The following NTRK3 variants were observed in gnomAD, a reference collection of about 807,000 sequenced individuals.
NTRK3 encodes neurotrophic receptor tyrosine kinase 3, also known as NT-3 growth factor receptor.
In NTRK3, 24 loss-of-function variants were observed where a neutral mutation model predicts 91.7. The ratio of observed to expected loss-of-function variants is 0.26; its 90% CI spans 0.19 to 0.37. NTRK3 has a LOEUF of 0.37. Ranked by LOEUF, NTRK3 falls within the 10% of genes least tolerant of loss-of-function variation. The pLI is 1.00. For missense variants in NTRK3, 880 were observed against 1,068.9 expected, an observed-to-expected ratio of 0.82 and a Z score of 2.46; for synonymous variants, 483 against 404.0, an observed-to-expected ratio of 1.20 and a Z score of -2.34.
At chr15:88,214,299 C>G (rs1423549792) in intron 3 of NTRK3, among the ~76,000 whole-genome samples, 1 of 152,156 alleles carries the variant, frequency 6.6e-6, no homozygotes, top group Non-Finnish European at 1.5e-5. Flanking sequence ...TCTCTTGCCT[C>G]TTCCTAGTTT....
chr15:87,993,079 G>GA (rs1238813408), intron 14 of NTRK3, among the ~76,000 whole-genome samples: 1 of 151,966 alleles, frequency 6.6e-6, no homozygotes, highest in Non-Finnish European at 1.5e-5. Context: ...GGTAAGGAAA[G>GA]AAAAAAAATA....
At chr15:88,165,194 C>G (rs1365120086) in intron 5 of NTRK3, among the ~76,000 whole-genome samples, 1 of 152,326 alleles carries the variant, frequency 6.6e-6, no homozygotes, top group East Asian at 1.9e-4. Context: ...AAGGCTGGCA[C>G]TCTCAGGAAT....
At chr15:87,974,173 C>T (rs186230393) in intron 14 of NTRK3, among the ~76,000 whole-genome samples, 3 of 152,102 alleles carry the variant, frequency 2.0e-5, no homozygotes, top group Admixed American at 6.5e-5. Flanking sequence ...TGCTGTGCTG[C>T]GGTCACACCT....
At chr15:87,952,264 G>C (rs1027456926) in intron 14 of NTRK3, among the ~76,000 whole-genome samples, 1 of 151,508 alleles carries the variant, frequency 6.6e-6, no homozygotes, top group Admixed American at 6.6e-5. Flanking sequence ...AGAAAGAAAA[G>C]AAGGAAGGAA....
intron 3 of NTRK3, among the ~76,000 whole-genome samples, chr15:88,199,574 C>A (rs2048117447): frequency 6.6e-6 from 1 of 152,172 alleles, no homozygotes; most frequent in Non-Finnish European, 1.5e-5. Flanking sequence ...TCCCAGGAGT[C>A]CCATAGTGGG....
intron 13 of NTRK3, among the ~76,000 whole-genome samples, chr15:88,096,791 C>G (rs1306864416): frequency 1.3e-5 from 2 of 152,152 alleles, no homozygotes; most frequent in African/African-American, 4.8e-5. Flanking sequence ...CTCCAGTTAC[C>G]CACTGCAGCA....
At chr15:88,239,304 T>C (rs1288706310) in intron 3 of NTRK3, among the ~76,000 whole-genome samples, 1 of 151,994 alleles carries the variant, frequency 6.6e-6, no homozygotes, top group Non-Finnish European at 1.5e-5. Flanking sequence ...AGGATTCCCA[T>C]GGGGAATAAC....
intron 14 of NTRK3, among the ~76,000 whole-genome samples, chr15:88,015,712 C>G (rs1045243112): frequency 3.3e-5 from 5 of 152,182 alleles, no homozygotes; most frequent in African/African-American, 1.2e-4. Flanking sequence ...GTTCATCTCT[C>G]AGCCTCACTG....
At chr15:88,228,737 G>A (rs2050902606) in intron 3 of NTRK3, among the ~76,000 whole-genome samples, 1 of 152,162 alleles carries the variant, frequency 6.6e-6, no homozygotes, top group African/African-American at 2.4e-5. Flanking sequence ...TAACAGAGGG[G>A]AACTGGAGGT....
intron 5 of NTRK3, among the ~76,000 whole-genome samples, chr15:88,165,210 C>T (rs143027899): frequency 9.8e-5 from 15 of 152,334 alleles, no homozygotes; most frequent in African/African-American, 2.2e-4. Flanking sequence ...GGAATAATCA[C>T]TAACATTAGG....
intron 6 of NTRK3, among the ~76,000 whole-genome samples, chr15:88,142,363 A>G (rs988690966): frequency 6.6e-6 from 1 of 152,278 alleles, no homozygotes; most frequent in Admixed American, 6.5e-5. Context: ...ACTTGCCCCA[A>G]GATGGCCTGG....
intron 14 of NTRK3, among the ~76,000 whole-genome samples, chr15:87,952,158 A>C (rs2071176059): frequency 6.6e-6 from 1 of 151,882 alleles, no homozygotes; most frequent in Non-Finnish European, 1.5e-5. Flanking sequence ...AAGAAGGAGA[A>C]AGAAAGAAGA....
chr15:88,094,167 T>C (rs929507248), intron 13 of NTRK3, among the ~76,000 whole-genome samples: 1 of 152,036 alleles, frequency 6.6e-6, no homozygotes, highest in African/African-American at 2.4e-5. Context: ...GGAAGGGGCT[T>C]AAGAATAAAA....
intron 13 of NTRK3, among the ~76,000 whole-genome samples, chr15:88,043,010 A>G (rs2079802295): frequency 6.6e-6 from 1 of 152,168 alleles, no homozygotes; most frequent in Non-Finnish European, 1.5e-5. Context: ...CTTGAAATTC[A>G]TTTGTAAGAG....
intron 17 of NTRK3, among the ~76,000 whole-genome samples, chr15:87,911,147 A>G (rs1024539448): frequency 2.0e-5 from 3 of 152,212 alleles, no homozygotes; most frequent in Non-Finnish European, 2.9e-5. Context: ...GGGAGAGACA[A>G]GAGACAGGGC....
intron 14 of NTRK3, among the ~76,000 whole-genome samples, chr15:87,980,315 G>C (rs950683007): frequency 6.6e-6 from 1 of 151,820 alleles, no homozygotes; most frequent in Non-Finnish European, 1.5e-5. Flanking sequence ...TGTGTGTAAA[G>C]AGTGTGTGTG....
chr15:88,229,140 A>G, intron 3 of NTRK3, among the ~76,000 whole-genome samples: 1 of 152,226 alleles, frequency 6.6e-6, no homozygotes, highest in East Asian at 1.9e-4. Flanking sequence ...AATTTTCATC[A>G]GAAAAATAAA....
At chr15:88,097,012 T>G (rs183973302) in intron 13 of NTRK3, among the ~76,000 whole-genome samples, 25 of 152,342 alleles carry the variant, frequency 1.6e-4, no homozygotes, top group African/African-American at 5.8e-4. Flanking sequence ...AGTCTGGTAG[T>G]GCTTTAGGCT....
chr15:88,166,062 G>A (rs1475418538), intron 5 of NTRK3, among the ~76,000 whole-genome samples: 2 of 152,150 alleles, frequency 1.3e-5, no homozygotes, highest in Non-Finnish European at 2.9e-5. Flanking sequence ...ATCTATTCCT[G>A]TGAGAAAGCA....
Sources: gnomAD v4.1 joint callset for allele counts (sites outside exome capture counted in the v4.1 genomes callset) on GRCh38, gnomAD v4.1.1 for gene constraint, MANE v1.5 for transcripts, NCBI Gene and HGNC (gene_info 2026-07-23, HGNC 2026-07-21) for gene names.